Variants in DCC observed in about 807,000 individuals in gnomAD.
The protein encoded by DCC is netrin receptor DCC.
Under a neutral mutation model 172.5 loss-of-function variants are expected in DCC, and 58 were observed. The ratio of observed to expected loss-of-function variants is 0.34; its 90% CI spans 0.27 to 0.42. The LOEUF (loss-of-function observed/expected upper bound fraction) is 0.42, where lower values mean the gene tolerates loss of function less well. Ranked by LOEUF, DCC falls within the 10% of genes least tolerant of loss-of-function variation. DCC has a pLI of 1.00. For synonymous variants in DCC, 709 were observed against 644.5 expected (o/e 1.10, Z -1.52); for missense variants, 1,740 against 1,791.0 (o/e 0.97, Z 0.51).
At chr18:53,175,132 C>T (rs1327680899) in intron 8 of DCC, among the ~76,000 whole-genome samples, 2 of 152,146 alleles carry the variant, frequency 1.3e-5, no homozygotes, top group Admixed American at 6.5e-5. Context: ...AAGAACCCTT[C>T]ATGCTAAAAA....
intron 7 of DCC, among the ~76,000 whole-genome samples, chr18:53,096,193 G>T (rs552352080): frequency 2.2e-4 from 34 of 151,990 alleles, no homozygotes; most frequent in African/African-American, 8.2e-4. Context: ...AAAATAATTA[G>T]CCAGGTATGG....
In DCC at chr18:52,752,139, C is replaced by G; in HGVS notation, c.177C>G (p.Leu59=). 1 of 1,614,134 alleles carries G rather than the reference C, an allele frequency of 6.2e-7. No individual in the cohort carries two copies. Among genetic ancestry groups the G allele is most frequent in the Non-Finnish European group, 8.5e-7 (1 of 1,180,018 alleles). ...AVTMRGGNVL[L]DCSAESDRGV... is the part of the protein sequence containing the mutation. ...CAATGCGGGGAGGAAATGTCCTCCT[C>G]GACTGCTCCGCGGAGTCCGACCGAG... Residue 59 remains leucine, a synonymous_variant, in exon 2 of 29, where the codon CTC becomes CTG. Coordinates refer to ENST00000442544, the MANE Select transcript of DCC (RefSeq NM_005215.4).
At chr18:52,579,722 G>T (rs1190656620) in intron 1 of DCC, among the ~76,000 whole-genome samples, 1 of 152,154 alleles carries the variant, frequency 6.6e-6, no homozygotes, top group Non-Finnish European at 1.5e-5. Context: ...TTTAAGGAAC[G>T]TTAGGATGGA....
intron 5 of DCC, among the ~76,000 whole-genome samples, chr18:53,023,398 GACCAAAAAAAAAAAAAAA>G (rs2041910777): frequency 2.9e-5 from 3 of 103,040 alleles, no homozygotes; most frequent in African/African-American, 1.1e-4. Context: ...ATATAACTCA[GACCAAAAAAAAAAAAAAA>G]AAAAAAAAAA....
intron 1 of DCC, among the ~76,000 whole-genome samples, chr18:52,478,436 A>G (rs1018026353): frequency 3.9e-5 from 6 of 152,196 alleles, no homozygotes; most frequent in Non-Finnish European, 8.8e-5. Context: ...AGTCTCCAAT[A>G]TCTTTAATTG....
intron 12 of DCC, among the ~76,000 whole-genome samples, chr18:53,253,102 G>GA (rs989500264): frequency 3.3e-5 from 5 of 151,558 alleles, no homozygotes; most frequent in Non-Finnish European, 7.4e-5. Flanking sequence ...AAATAAATAT[G>GA]AAAAAAATGA....
At position 53,090,197 on chromosome 18, in the gene DCC, A is replaced by G. The variant is rs118109932; in HGVS notation, c.1261+24031A>G. Among the ~76,000 whole-genome samples the G allele has an allele frequency of 5.5e-3, 844 of 152,338 alleles. 6 individuals carry two copies. The highest frequency in any genetic ancestry group is 0.022 in the Admixed American group (340 of 15,300). On this transcript the variant is annotated intron_variant, in intron 7 of 28. Coordinates refer to ENST00000442544, the MANE Select transcript of DCC (RefSeq NM_005215.4). ...TGTCTTTTGTTTCTTAAAGGAAGAA[A>G]TACAAGAAAATGTTCTTAATAGCAA... is the stretch of plus-strand genomic sequence containing the variant.
rs2042896244 is a variant in DCC at position 53,086,293 on chromosome 18, TC to T, written c.1261+20128del. ...CTTCTTCCTTTCTTCTTCTTCTTCT[TC>T]TTCCTTTCTTCTTCTTCTTCTTCTT... On this transcript the variant is annotated intron_variant, in intron 7 of 28. Coordinates refer to ENST00000442544, the MANE Select transcript of DCC (RefSeq NM_005215.4). Among the ~76,000 whole-genome samples, 3 of 41,570 alleles carry T rather than the reference TC, an allele frequency of 7.2e-5. 1 individual carries two copies. Among genetic ancestry groups the T allele is most frequent in the South Asian group, 4.5e-4 (1 of 2,204 alleles). 27.3% of individuals were successfully genotyped at this position (41,570 alleles called of 152,430 possible).
chr18:52,956,775 G>T (rs953780617), intron 5 of DCC, among the ~76,000 whole-genome samples: 2 of 152,044 alleles, frequency 1.3e-5, no homozygotes, highest in Non-Finnish European at 2.9e-5. Flanking sequence ...TCTTTCATCA[G>T]ATTTTAACTA....
At chr18:52,549,860 A>G (rs554967391) in intron 1 of DCC, among the ~76,000 whole-genome samples, 23 of 151,454 alleles carry the variant, frequency 1.5e-4, no homozygotes, top group Admixed American at 1.3e-3. Context: ...ATTCTTTATA[A>G]CTCTACATGT....
intron 9 of DCC, among the ~76,000 whole-genome samples, chr18:53,198,347 G>A (rs2055480587): frequency 6.6e-6 from 1 of 151,914 alleles, no homozygotes; most frequent in Non-Finnish European, 1.5e-5. Flanking sequence ...GCTAATGACA[G>A]GTTTCTATCA....
chr18:52,575,319 A>C (rs2033383478), intron 1 of DCC, among the ~76,000 whole-genome samples: 1 of 152,238 alleles, frequency 6.6e-6, no homozygotes, highest in Non-Finnish European at 1.5e-5. Flanking sequence ...TATACTAAAG[A>C]GGCAAACCTA....
intron 1 of DCC, among the ~76,000 whole-genome samples, chr18:52,691,153 G>C (rs1437335896): frequency 2.0e-5 from 3 of 152,142 alleles, no homozygotes; most frequent in Non-Finnish European, 4.4e-5. Context: ...AGAGAAAGCT[G>C]TTGTTGCCCA....
At chr18:53,232,635 A>G (rs932953917) in intron 12 of DCC, among the ~76,000 whole-genome samples, 6 of 152,162 alleles carry the variant, frequency 3.9e-5, no homozygotes, top group Non-Finnish European at 7.4e-5. Flanking sequence ...TTCAACATCA[A>G]TAAATGAAGG....
intron 2 of DCC, among the ~76,000 whole-genome samples, chr18:52,785,211 G>A (rs2037633221): frequency 6.6e-6 from 1 of 151,954 alleles, no homozygotes; most frequent in South Asian, 2.1e-4. Context: ...TGTGCACATG[G>A]CTGACAAAGA....
intron 1 of DCC, among the ~76,000 whole-genome samples, chr18:52,604,678 A>G (rs1377195908): frequency 6.6e-6 from 1 of 152,172 alleles, no homozygotes; most frequent in Non-Finnish European, 1.5e-5. Flanking sequence ...TTCTAGCTGC[A>G]AGGGAAGCTT....
intron 3 of DCC, among the ~76,000 whole-genome samples, chr18:52,913,597 A>G (rs1421110911): frequency 6.6e-6 from 1 of 152,036 alleles, no homozygotes; most frequent in Non-Finnish European, 1.5e-5. Flanking sequence ...TATTTCCTGT[A>G]AGTTCAAAAG....
chr18:52,853,265 A>AT (rs1193346415), intron 2 of DCC, among the ~76,000 whole-genome samples: 1 of 152,212 alleles, frequency 6.6e-6, no homozygotes, highest in Non-Finnish European at 1.5e-5. Context: ...TGGGCACAGG[A>AT]TAAATCTTCT....
intron 1 of DCC, among the ~76,000 whole-genome samples, chr18:52,654,971 G>A (rs2035217317): frequency 6.6e-6 from 1 of 152,104 alleles, no homozygotes; most frequent in Non-Finnish European, 1.5e-5. Flanking sequence ...TAAATCCTCT[G>A]TGCATTACTA....
Sources: gnomAD v4.1 joint callset for allele counts (sites outside exome capture counted in the v4.1 genomes callset) on GRCh38, gnomAD v4.1.1 for gene constraint, MANE v1.5 for transcripts, NCBI Gene and HGNC (gene_info 2026-07-23, HGNC 2026-07-21) for gene names.